Variants in CACNA1A observed in about 807,000 individuals in gnomAD.
The protein encoded by CACNA1A is voltage-dependent P/Q-type calcium channel subunit alpha-1A.
A neutral mutation model predicts 262.4 loss-of-function variants in CACNA1A; 57 were observed. The ratio of observed to expected loss-of-function variants is 0.22; its 90% CI spans 0.18 to 0.27. CACNA1A has a LOEUF of 0.27. Ranked by LOEUF, CACNA1A falls within the 10% of genes least tolerant of loss-of-function variation. CACNA1A has a pLI of 1.00. For missense variants in CACNA1A, 2,526 were observed against 3,562.8 expected (o/e 0.71, Z 7.41); for synonymous variants, 1,431 against 1,419.3 (o/e 1.01, Z -0.18).
chr19:13,371,727 G>T lies in CACNA1A; in HGVS notation c.592C>A (p.Arg198=). ...ACCAGCTTGAGCGGCCGCAGCACTCGAACTGCCCTCAGCGTCCGTAGGTCA... is the reference window on the plus strand; with the variant it reads ...ACCAGCTTGAGCGGCCGCAGCACTCTAACTGCCCTCAGCGTCCGTAGGTCA... The part of the protein sequence containing the change: ...EFDLRTLRAV[R]VLRPLKLVSG... Residue 198 remains arginine, a synonymous_variant, in exon 4 of 47, where the codon CGA becomes AGA. Coordinates refer to ENST00000360228, the MANE Select transcript of CACNA1A (RefSeq NM_001127222.2). The T allele has an allele frequency of 6.3e-7, 1 of 1,581,460 alleles. No individual in the cohort carries two copies.
intron 36 of CACNA1A, 122 bp downstream of exon 36, chr19:13,229,960 G>T: frequency 9.0e-7 from 1 of 1,114,394 alleles, no homozygotes; most frequent in Non-Finnish European, 1.3e-6. Flanking sequence ...GACTGAACCT[G>T]TGAGACCCCT....
chr19:13,462,810 A>C (rs1452362550), intron 1 of CACNA1A, among the ~76,000 whole-genome samples: 2 of 152,096 alleles, frequency 1.3e-5, no homozygotes, highest in Non-Finnish European at 2.9e-5. Flanking sequence ...CCCAGGGTGA[A>C]ATACAGTGGC....
chr19:13,384,095 C>T (rs931390293), intron 3 of CACNA1A, among the ~76,000 whole-genome samples: 2 of 152,158 alleles, frequency 1.3e-5, no homozygotes, highest in African/African-American at 4.8e-5. Context: ...GGATGATAGG[C>T]GTGAGCCACC....
At chr19:13,247,875 G>C (rs2056291933) in intron 30 of CACNA1A, among the ~76,000 whole-genome samples, 1 of 152,086 alleles carries the variant, frequency 6.6e-6, no homozygotes, top group African/African-American at 2.4e-5. Flanking sequence ...AAGTGTTAGG[G>C]AATTAATAGC....
chr19:13,446,409 A>T (rs2060813242), intron 3 of CACNA1A, among the ~76,000 whole-genome samples: 2 of 148,374 alleles, frequency 1.3e-5, no homozygotes, highest in South Asian at 2.2e-4. Context: ...GGTCTGCATG[A>T]TGTGTGTGTG....
chr19:13,480,641 CA>C (rs1457923733), intron 1 of CACNA1A, among the ~76,000 whole-genome samples: 1 of 151,966 alleles, frequency 6.6e-6, no homozygotes, highest in African/African-American at 2.4e-5. Context: ...TCAACCTGAG[CA>C]ACAAAAGCGA....
At chr19:13,329,539 AG>A (rs2058431431) in intron 10 of CACNA1A, among the ~76,000 whole-genome samples, 1 of 128,062 alleles carries the variant, frequency 7.8e-6, no homozygotes, top group African/African-American at 3.2e-5. Flanking sequence ...CCCAGGCTGG[AG>A]GGCAGTGATG....
intron 3 of CACNA1A, among the ~76,000 whole-genome samples, chr19:13,448,042 A>G (rs1423775940): frequency 6.6e-6 from 1 of 151,530 alleles, no homozygotes; most frequent in African/African-American, 2.4e-5. Context: ...GCTCAATAAT[A>G]TATGAGCTTC....
intron 4 of CACNA1A, chr19:13,370,901 C>G (rs2059311488): frequency 6.6e-6 from 1 of 152,032 alleles, no homozygotes. Flanking sequence ...TTATTATTAA[C>G]CAAGACAAGA....
At chr19:13,491,593 G>A (rs1336899181) in intron 1 of CACNA1A, among the ~76,000 whole-genome samples, 2 of 152,156 alleles carry the variant, frequency 1.3e-5, no homozygotes, top group African/African-American at 4.8e-5. Context: ...ATCCTGTTTG[G>A]TCAGTTAGAG....
intron 3 of CACNA1A, among the ~76,000 whole-genome samples, chr19:13,440,092 G>T (rs544023466): frequency 1.3e-5 from 2 of 151,888 alleles, no homozygotes; most frequent in Admixed American, 6.6e-5. Flanking sequence ...CCTGAGTAGC[G>T]GGGACTACAA....
chr19:13,250,991 GCA>G (rs2056379947), intron 30 of CACNA1A, among the ~76,000 whole-genome samples: 1 of 151,764 alleles, frequency 6.6e-6, no homozygotes, highest in East Asian at 2.0e-4. Context: ...AATTAGCCTG[GCA>G]TGCTGGTGTG....
intron 1 of CACNA1A, among the ~76,000 whole-genome samples, chr19:13,485,048 T>G (rs1979806707): frequency 6.6e-6 from 1 of 152,192 alleles, no homozygotes; most frequent in African/African-American, 2.4e-5. Context: ...TGGCACTCAA[T>G]AAATATTTGT....
chr19:13,313,967 T>C (rs1470469865), intron 11 of CACNA1A, among the ~76,000 whole-genome samples: 1 of 152,210 alleles, frequency 6.6e-6, no homozygotes, highest in African/African-American at 2.4e-5. Flanking sequence ...TTATGTCCCC[T>C]AGAAATCCTG....
chr19:13,254,267 G>T (rs1047482708), intron 29 of CACNA1A, among the ~76,000 whole-genome samples: 2 of 152,106 alleles, frequency 1.3e-5, no homozygotes, highest in South Asian at 4.1e-4. Flanking sequence ...AAAGCACAGG[G>T]TGAAAGGTTT....
At chr19:13,438,264 A>T (rs2060648528) in intron 3 of CACNA1A, among the ~76,000 whole-genome samples, 1 of 152,234 alleles carries the variant, frequency 6.6e-6, no homozygotes, top group African/African-American at 2.4e-5. Flanking sequence ...ATGGGGCCCC[A>T]GTGGCCCCAG....
chr19:13,229,346 A>G (rs2055585842), intron 36 of CACNA1A, among the ~76,000 whole-genome samples: 1 of 152,166 alleles, frequency 6.6e-6, no homozygotes. Context: ...CCCCAAGACC[A>G]GCCTGAACTA....
chr19:13,221,237 T>TCTTTCTTTC (rs201596911), intron 38 of CACNA1A, among the ~76,000 whole-genome samples: 1 of 48,116 alleles, frequency 2.1e-5, no homozygotes, highest in African/African-American at 7.9e-5. Context: ...TTTCTTTCTT[T>TCTTTCTTTC]TTTTTTTTTT....
chr19:13,336,600 A>AGAGGGAGG (rs750476134), intron 6 of CACNA1A, among the ~76,000 whole-genome samples: 2 of 110,864 alleles, frequency 1.8e-5, no homozygotes, highest in South Asian at 3.8e-4. Flanking sequence ...AGAGGGAGAG[A>AGAGGGAGG]GAGAGAGAGA....
Sources: allele counts gnomAD v4.1 joint callset (sites outside exome capture counted in the v4.1 genomes callset), GRCh38; gene constraint gnomAD v4.1.1; transcripts MANE v1.5; gene names NCBI Gene and HGNC (gene_info 2026-07-23, HGNC 2026-07-21).